The following FNDC3B variants were observed in gnomAD, a reference collection of about 807,000 sequenced individuals.
FNDC3B encodes the protein fibronectin type III domain containing 3B, also known as fibronectin type III domain-containing protein 3B.
Under a neutral mutation model 151.5 loss-of-function variants are expected in FNDC3B, and 12 were observed. The observed-to-expected ratio is 0.08, with a 90% CI of 0.05 to 0.13. FNDC3B has a LOEUF of 0.13. FNDC3B is among the 10% of genes least tolerant of loss of function. FNDC3B has a pLI of 1.00. For synonymous variants in FNDC3B, 528 were observed against 549.0 expected (o/e 0.96, Z 0.54); for missense variants, 1,214 against 1,505.3 (o/e 0.81, Z 3.20).
chr3:172,175,594 TTA>T (rs1190402553), intron 3 of FNDC3B, among the ~76,000 whole-genome samples: 5 of 152,232 alleles, frequency 3.3e-5, no homozygotes, highest in Non-Finnish European at 5.9e-5. Flanking sequence ...TGAGTTCTTT[TTA>T]TGTTTTGAAT....
At chr3:172,249,961 G>T (rs1476990405) in intron 5 of FNDC3B, among the ~76,000 whole-genome samples, 1 of 150,066 alleles carries the variant, frequency 6.7e-6, no homozygotes, top group Admixed American at 6.6e-5. Context: ...TTGCCTTGAA[G>T]AAATTATTGA....
In FNDC3B at chr3:172,287,885, T is replaced by C. The variant is rs74715224; in HGVS notation, c.849+1901T>C. On this transcript the variant is annotated intron_variant, in intron 7 of 25. Coordinates refer to ENST00000415807, the MANE Select transcript of FNDC3B (RefSeq NM_022763.4). The stretch of plus-strand genomic sequence containing the variant: ...TTGTAAGTAGCTGTGTTGTAAAATA[T>C]AATAGGGTAAGAGCGTCATCTGAGA... 7.8e-3 allele frequency among the ~76,000 whole-genome samples: 1,188 copies of C among 152,326 alleles called. 33 individuals carry two copies. The East Asian group carries it at 0.083, about 11-fold the overall frequency.
At chr3:172,141,786 G>A (rs910697618) in intron 3 of FNDC3B, among the ~76,000 whole-genome samples, 5 of 152,336 alleles carry the variant, frequency 3.3e-5, no homozygotes, top group Non-Finnish European at 5.9e-5. Flanking sequence ...GGGAGATGGA[G>A]GTTGCAGTGA....
chr3:172,355,594 C>T (rs1734059251), intron 22 of FNDC3B, among the ~76,000 whole-genome samples: 1 of 152,104 alleles, frequency 6.6e-6, no homozygotes, highest in Non-Finnish European at 1.5e-5. Flanking sequence ...AAACCTTGGC[C>T]CTAGAGCAGT....
At chr3:172,207,120 C>T (rs1388311276) in intron 3 of FNDC3B, among the ~76,000 whole-genome samples, 1 of 152,074 alleles carries the variant, frequency 6.6e-6, no homozygotes, top group Non-Finnish European at 1.5e-5. Flanking sequence ...TGAATGACAC[C>T]TAAGATCATT....
At chr3:172,336,246 A>G (rs113229878) in intron 15 of FNDC3B, among the ~76,000 whole-genome samples, 1 of 152,244 alleles carries the variant, frequency 6.6e-6, no homozygotes, top group Non-Finnish European at 1.5e-5. Flanking sequence ...GTCTAAGAAT[A>G]TAGAAGTGGC....
At chr3:172,239,354 ATCT>A (rs1727345510) in intron 4 of FNDC3B, among the ~76,000 whole-genome samples, 1 of 152,118 alleles carries the variant, frequency 6.6e-6, no homozygotes, top group African/African-American at 2.4e-5. Context: ...TATCTGAGAC[ATCT>A]TCTCTTCCTG....
intron 1 of FNDC3B, among the ~76,000 whole-genome samples, chr3:172,096,075 CTG>C (rs1719074960): frequency 6.6e-6 from 1 of 152,188 alleles, no homozygotes; most frequent in Non-Finnish European, 1.5e-5. Context: ...GTTTGGTTCT[CTG>C]TGAATTTTAC....
Position 172,270,792 on chromosome 3 carries a change from G to A in FNDC3B, c.791-15134G>A, listed in dbSNP as rs559621270. ...TCCAGACATCTTTTATAGATAATAC[G>A]AATTGCTAAATTTGCTTTTCATCTA... On this transcript the variant is annotated intron_variant, in intron 6 of 25. Coordinates refer to ENST00000415807, the MANE Select transcript of FNDC3B (RefSeq NM_022763.4). Among the ~76,000 whole-genome samples, 18 of 152,302 alleles carry A rather than the reference G, an allele frequency of 1.2e-4. No individual in the cohort carries two copies. In the East Asian group the frequency reaches 3.5e-3, roughly 29 times the overall value.
intron 1 of FNDC3B, among the ~76,000 whole-genome samples, chr3:172,063,530 A>G (rs1272027458): frequency 1.3e-5 from 2 of 151,754 alleles, no homozygotes; most frequent in African/African-American, 4.8e-5. Context: ...TGAGGTTTCT[A>G]CTCTTTCCCT....
chr3:172,324,046 C>A (rs1732221676), intron 11 of FNDC3B, among the ~76,000 whole-genome samples: 1 of 152,166 alleles, frequency 6.6e-6, no homozygotes, highest in Admixed American at 6.5e-5. Context: ...GGCAGGTGAA[C>A]TCTGTGGTAA....
At chr3:172,321,364 T>C (rs573729705) in intron 11 of FNDC3B, among the ~76,000 whole-genome samples, 1 of 152,368 alleles carries the variant, frequency 6.6e-6, no homozygotes, top group East Asian at 1.9e-4. Flanking sequence ...CAATTTTGGT[T>C]GATCTTTATC....
intron 4 of FNDC3B, among the ~76,000 whole-genome samples, chr3:172,242,798 T>C (rs1727569289): frequency 6.6e-6 from 1 of 152,266 alleles, no homozygotes; most frequent in Admixed American, 6.5e-5. Flanking sequence ...AGCAAATTTC[T>C]GCAGTGGGCT....
At chr3:172,072,713 T>G (rs1275491168) in intron 1 of FNDC3B, among the ~76,000 whole-genome samples, 3 of 152,234 alleles carry the variant, frequency 2.0e-5, no homozygotes, top group South Asian at 2.1e-4. Flanking sequence ...AAATGGACTT[T>G]GTGGGCCAAA....
intron 3 of FNDC3B, among the ~76,000 whole-genome samples, chr3:172,183,880 T>C (rs1209777575): frequency 3.3e-5 from 5 of 152,188 alleles, no homozygotes; most frequent in Admixed American, 3.3e-4. Flanking sequence ...TTGTTCCTCC[T>C]ATCCTTAAGT....
chr3:172,106,027 T>C (rs2108529622), intron 1 of FNDC3B, among the ~76,000 whole-genome samples: 1 of 152,342 alleles, frequency 6.6e-6, no homozygotes, highest in South Asian at 2.1e-4. Flanking sequence ...GGAATCACAG[T>C]TAACTATAGT....
At chr3:172,231,128 G>A (rs1463871202) in intron 4 of FNDC3B, among the ~76,000 whole-genome samples, 1 of 152,228 alleles carries the variant, frequency 6.6e-6, no homozygotes, top group African/African-American at 2.4e-5. Flanking sequence ...CAGCCATAGT[G>A]AGGAATAAAG....
intron 10 of FNDC3B, among the ~76,000 whole-genome samples, chr3:172,308,978 A>T (rs995850615): frequency 4.6e-5 from 7 of 152,238 alleles, no homozygotes; most frequent in African/African-American, 1.7e-4. Context: ...GGAATCACTG[A>T]TGCATACTCT....
At chr3:172,060,843 A>C (rs2108471167) in intron 1 of FNDC3B, among the ~76,000 whole-genome samples, 1 of 152,336 alleles carries the variant, frequency 6.6e-6, no homozygotes, top group East Asian at 1.9e-4. Context: ...TTAATTTTAA[A>C]GACATGTTCT....
Sources: gnomAD v4.1 joint callset for allele counts (sites outside exome capture counted in the v4.1 genomes callset) on GRCh38, gnomAD v4.1.1 for gene constraint, MANE v1.5 for transcripts, NCBI Gene and HGNC (gene_info 2026-07-23, HGNC 2026-07-21) for gene names.